Variants in CACNB2 observed in about 807,000 individuals in gnomAD.
The protein encoded by CACNB2 is calcium voltage-gated channel auxiliary subunit beta 2, also known as voltage-dependent L-type calcium channel subunit beta-2.
In CACNB2, 42 loss-of-function variants were observed where a neutral mutation model predicts 73.3. The ratio of observed to expected loss-of-function variants is 0.57; its 90% CI spans 0.45 to 0.74. The LOEUF (loss-of-function observed/expected upper bound fraction) is 0.74, where lower values mean the gene tolerates loss of function less well. Ranked by LOEUF, CACNB2 falls within the 30% of genes least tolerant of loss-of-function variation. CACNB2 has a pLI of 0.00. For synonymous variants in CACNB2, 348 were observed against 310.3 expected, an observed-to-expected ratio of 1.12 and a Z score of -1.28; for missense variants, 940 against 853.0, an observed-to-expected ratio of 1.10 and a Z score of -1.27.
Position 18,379,456 on chromosome 10 carries a change from C to T in CACNB2, c.214-22468C>T, listed in dbSNP as rs549893599. 2.6e-5 allele frequency among the ~76,000 whole-genome samples: 4 copies of T among 152,276 alleles called. No individual in the cohort carries two copies. In the South Asian group the frequency reaches 6.2e-4, roughly 24 times the overall value. On this transcript the variant is annotated intron_variant, in intron 2 of 13. Transcript: ENST00000324631. The stretch of plus-strand genomic sequence containing the variant: ...CTCGAACTCCTGACCGCAGGCGATC[C>T]GCCTGCCTCAGTCTCCCAAAGTGCT...
intron 2 of CACNB2, chr10:18,238,517 G>A (rs1326283983): frequency 1.3e-5 from 2 of 152,024 alleles, no homozygotes; most frequent in African/African-American, 4.8e-5. Flanking sequence ...CATCCAATGT[G>A]AACCTAAAAA....
chr10:18,361,730 A>G (rs2042150579), intron 2 of CACNB2, among the ~76,000 whole-genome samples: 1 of 150,182 alleles, frequency 6.7e-6, no homozygotes, highest in Non-Finnish European at 1.5e-5. Context: ...CTCCCATCTC[A>G]GCCTCCTGAA....
At chr10:18,150,849 A>ATCTGTCTTTT (rs2031457419) in intron 1 of CACNB2, 34 bp from the exon 2 acceptor site, 1 of 815,248 alleles carries the variant, frequency 1.2e-6, no homozygotes, top group Non-Finnish European at 1.6e-6. Context: ...TAATAATCTT[A>ATCTGTCTTTT]TTTGTCTTTT....
intron 2 of CACNB2, among the ~76,000 whole-genome samples, chr10:18,351,476 G>A (rs1326323562): frequency 6.6e-6 from 1 of 152,168 alleles, no homozygotes; most frequent in Non-Finnish European, 1.5e-5. Context: ...TTAATTGGGT[G>A]AGATGATGAA....
At chr10:18,226,619 C>T (rs765993818) in intron 2 of CACNB2, among the ~76,000 whole-genome samples, 1 of 152,144 alleles carries the variant, frequency 6.6e-6, no homozygotes, top group African/African-American at 2.4e-5. Flanking sequence ...GATTCATGAG[C>T]GTGTGGCCGT....
intron 2 of CACNB2, among the ~76,000 whole-genome samples, chr10:18,269,516 C>A (rs763680500): frequency 6.6e-6 from 1 of 151,986 alleles, no homozygotes; most frequent in Non-Finnish European, 1.5e-5. Context: ...GAGGAATGCT[C>A]AAAAGAAAGA....
At chr10:18,351,841 T>G (rs552251458) in intron 2 of CACNB2, among the ~76,000 whole-genome samples, 1 of 152,348 alleles carries the variant, frequency 6.6e-6, no homozygotes, top group East Asian at 1.9e-4. Flanking sequence ...TAGAGGCTTT[T>G]TTTCCTGATG....
At chr10:18,152,743 A>C (rs537779837) in intron 2 of CACNB2, among the ~76,000 whole-genome samples, 19 of 138,846 alleles carry the variant, frequency 1.4e-4, no homozygotes, top group African/African-American at 5.2e-4. Context: ...CAAAAAACAA[A>C]ACACTAGCTC....
At chr10:18,328,005 G>C (rs1263334295) in intron 2 of CACNB2, among the ~76,000 whole-genome samples, 1 of 152,088 alleles carries the variant, frequency 6.6e-6, no homozygotes, top group Non-Finnish European at 1.5e-5. Flanking sequence ...TGAGAAGATG[G>C]GCTGCCTTAG....
chr10:18,355,515 TA>T (rs1355684629), intron 2 of CACNB2, among the ~76,000 whole-genome samples: 1 of 152,206 alleles, frequency 6.6e-6, no homozygotes, highest in Admixed American at 6.5e-5. Context: ...GGCCTTTATT[TA>T]ATTTTTTGAT....
intron 2 of CACNB2, among the ~76,000 whole-genome samples, chr10:18,152,743 A>AAC (rs2031703463): frequency 7.2e-6 from 1 of 138,786 alleles, no homozygotes; most frequent in African/African-American, 2.7e-5. Flanking sequence ...CAAAAAACAA[A>AAC]ACACTAGCTC....
At chr10:18,233,774 G>T (rs1477270443) in intron 2 of CACNB2, among the ~76,000 whole-genome samples, 4 of 152,198 alleles carry the variant, frequency 2.6e-5, no homozygotes, top group Non-Finnish European at 5.9e-5. Context: ...GCTAGGTAGT[G>T]TGGGGCACAA....
intron 3 of CACNB2, among the ~76,000 whole-genome samples, chr10:18,449,980 C>T (rs1281490549): frequency 1.3e-5 from 2 of 152,284 alleles, no homozygotes; most frequent in South Asian, 2.1e-4. Context: ...GTGGAAGACC[C>T]GGGGCTGGCG....
intron 2 of CACNB2, among the ~76,000 whole-genome samples, chr10:18,314,329 T>C (rs545644042): frequency 2.6e-4 from 39 of 152,316 alleles, no homozygotes; most frequent in Non-Finnish European, 4.6e-4. Flanking sequence ...AATTTGAATG[T>C]TAGTTGAATT....
chr10:18,294,371 C>T (rs897158274), intron 2 of CACNB2, among the ~76,000 whole-genome samples: 3 of 152,168 alleles, frequency 2.0e-5, no homozygotes, highest in African/African-American at 7.2e-5. Flanking sequence ...ATCAGATCAT[C>T]CTGGTACAAG....
At chr10:18,473,528 A>G (rs1285230357) in intron 3 of CACNB2, among the ~76,000 whole-genome samples, 8 of 152,174 alleles carry the variant, frequency 5.3e-5, no homozygotes, top group Admixed American at 5.2e-4. Flanking sequence ...CAAGACAGCA[A>G]GCCTGAAAAT....
At chr10:18,463,282 C>T (rs2047680002) in intron 3 of CACNB2, among the ~76,000 whole-genome samples, 1 of 151,940 alleles carries the variant, frequency 6.6e-6, no homozygotes, top group Non-Finnish European at 1.5e-5. Flanking sequence ...CCAGCATTTT[C>T]GGAGGCTGAG....
intron 3 of CACNB2, among the ~76,000 whole-genome samples, chr10:18,477,360 T>C (rs1388657153): frequency 6.6e-6 from 1 of 152,196 alleles, no homozygotes; most frequent in East Asian, 1.9e-4. Context: ...CTCCCATGAA[T>C]AAGAATGCCT....
At chr10:18,160,165 A>G (rs923235042) in intron 2 of CACNB2, among the ~76,000 whole-genome samples, 1 of 140,458 alleles carries the variant, frequency 7.1e-6, no homozygotes. Flanking sequence ...GTCTCGTTGA[A>G]CATAATTTTG....
Sources: gnomAD v4.1 joint callset for allele counts (sites outside exome capture counted in the v4.1 genomes callset) on GRCh38, gnomAD v4.1.1 for gene constraint, MANE v1.5 for transcripts, NCBI Gene and HGNC (gene_info 2026-07-23, HGNC 2026-07-21) for gene names.